The following KIAA0319L variants were observed in gnomAD, a reference collection of about 807,000 sequenced individuals.
The protein encoded by KIAA0319L is dyslexia-associated protein KIAA0319-like protein.
In KIAA0319L, 55 loss-of-function variants were observed where a neutral mutation model predicts 120.1. That is an observed-to-expected ratio of 0.46 (90% CI 0.37 to 0.57). The LOEUF (loss-of-function observed/expected upper bound fraction) is 0.57, where lower values mean the gene tolerates loss of function less well. KIAA0319L is among the 20% of genes least tolerant of loss of function. The pLI is 0.00. For missense variants in KIAA0319L, 1,049 were observed against 1,255.3 expected, an observed-to-expected ratio of 0.84 and a Z score of 2.48; for synonymous variants, 398 against 471.9, an observed-to-expected ratio of 0.84 and a Z score of 2.03.
At chr1:35,464,382 C>G (rs749276541) in intron 7 of KIAA0319L, among the ~76,000 whole-genome samples, 1 of 152,112 alleles carries the variant, frequency 6.6e-6, no homozygotes, top group Admixed American at 6.5e-5. Flanking sequence ...GCTATGTTTT[C>G]GCAGAGACTG....
At chr1:35,484,310 G>A (rs1427414970) in intron 3 of KIAA0319L, among the ~76,000 whole-genome samples, 2 of 152,164 alleles carry the variant, frequency 1.3e-5, no homozygotes, top group African/African-American at 2.4e-5. Flanking sequence ...GTATGGTGGT[G>A]CACACCTGGA....
At chr1:35,523,014 T>TAAAAAAA (rs58518920) in intron 2 of KIAA0319L, among the ~76,000 whole-genome samples, 2 of 62,532 alleles carry the variant, frequency 3.2e-5, no homozygotes, top group Admixed American at 1.9e-4. Flanking sequence ...AAACTCCACA[T>TAAAAAAA]AAAAAAAAAA....
chr1:35,489,614 G>A (rs1282557694), intron 3 of KIAA0319L, among the ~76,000 whole-genome samples: 1 of 151,742 alleles, frequency 6.6e-6, no homozygotes, highest in Non-Finnish European at 1.5e-5. Context: ...TGTATATGGA[G>A]AAACTACAGA....
In KIAA0319L at chr1:35,434,981, C is replaced by CT; in HGVS notation, c.3062dup (p.Lys1023GlnfsTer66). ...CATTCTGACCATGCAGGAGTTTGCC[C>CT]TTCTCTCGGTCTGGCCATGTAAAGA... On this transcript the variant is annotated frameshift_variant, in exon 21 of 21. Transcript: ENST00000325722. LOFTEE classifies it high-confidence loss of function. 6.2e-7 allele frequency: 1 copy of CT among 1,614,212 alleles called. No homozygotes were observed. The highest frequency in any genetic ancestry group is 1.7e-5 in the Admixed American group (1 of 60,032).
intron 2 of KIAA0319L, among the ~76,000 whole-genome samples, chr1:35,541,105 C>A (rs1646770078): frequency 6.6e-6 from 1 of 151,986 alleles, no homozygotes; most frequent in Non-Finnish European, 1.5e-5. Context: ...TCAAGCACAG[C>A]TAACTTTTTA....
intron 3 of KIAA0319L, among the ~76,000 whole-genome samples, chr1:35,479,729 A>T (rs1644065226): frequency 6.6e-6 from 1 of 151,916 alleles, no homozygotes; most frequent in Non-Finnish European, 1.5e-5. Context: ...ATATGGCGAG[A>T]CCCTGTCTCT....
At chr1:35,543,641 A>C (rs1200009500) in intron 2 of KIAA0319L, among the ~76,000 whole-genome samples, 3 of 152,246 alleles carry the variant, frequency 2.0e-5, no homozygotes, top group Non-Finnish European at 4.4e-5. Flanking sequence ...AAACGAGGCA[A>C]GTGAGGGCAA....
intron 4 of KIAA0319L, among the ~76,000 whole-genome samples, chr1:35,477,497 C>T (rs1643942848): frequency 6.6e-6 from 1 of 152,016 alleles, no homozygotes; most frequent in African/African-American, 2.4e-5. Context: ...GAAACCGCAT[C>T]TCTACTAAAA....
intron 3 of KIAA0319L, among the ~76,000 whole-genome samples, chr1:35,500,115 T>C (rs1359937125): frequency 6.6e-6 from 1 of 152,212 alleles, no homozygotes; most frequent in Non-Finnish European, 1.5e-5. Context: ...ACGATGCTGT[T>C]AGAGAGAACA....
intron 3 of KIAA0319L, among the ~76,000 whole-genome samples, chr1:35,485,253 A>G (rs1644344119): frequency 6.6e-6 from 1 of 151,994 alleles, no homozygotes; most frequent in African/African-American, 2.4e-5. Flanking sequence ...AAACTGCAAA[A>G]TCTAATTCTC....
At chr1:35,488,762 T>G (rs1404690897) in intron 3 of KIAA0319L, among the ~76,000 whole-genome samples, 1 of 152,090 alleles carries the variant, frequency 6.6e-6, no homozygotes, top group East Asian at 1.9e-4. Context: ...GCAACCAGTA[T>G]GAAATAATGC....
intron 3 of KIAA0319L, among the ~76,000 whole-genome samples, chr1:35,492,151 C>T (rs573495233): frequency 6.6e-6 from 1 of 152,188 alleles, no homozygotes; most frequent in South Asian, 2.1e-4. Context: ...TTCTATGAGG[C>T]CAGCCAATAA....
intron 3 of KIAA0319L, among the ~76,000 whole-genome samples, chr1:35,501,394 C>T (rs1433667983): frequency 6.6e-6 from 1 of 152,174 alleles, no homozygotes; most frequent in East Asian, 1.9e-4. Flanking sequence ...CCTCTGCAAA[C>T]CATTATTCTT....
chr1:35,493,287 T>C (rs1570807433), intron 3 of KIAA0319L, among the ~76,000 whole-genome samples: 1 of 152,044 alleles, frequency 6.6e-6, no homozygotes, highest in South Asian at 2.1e-4. Context: ...ACATCAAATA[T>C]AATAGCATCA....
chr1:35,550,906 C>A (rs1647176230), intron 2 of KIAA0319L, among the ~76,000 whole-genome samples: 1 of 152,094 alleles, frequency 6.6e-6, no homozygotes, highest in African/African-American at 2.4e-5. Context: ...GATAGTATCC[C>A]ACCATGTGGA....
chr1:35,457,453 C>T (rs1444493245), intron 9 of KIAA0319L, among the ~76,000 whole-genome samples: 4 of 148,414 alleles, frequency 2.7e-5, no homozygotes, highest in East Asian at 2.0e-4. Flanking sequence ...AATTCTCCTA[C>T]GCAACAGTCC....
intron 15 of KIAA0319L, among the ~76,000 whole-genome samples, chr1:35,449,462 T>C (rs1641882652): frequency 6.6e-6 from 1 of 152,226 alleles, no homozygotes; most frequent in African/African-American, 2.4e-5. Context: ...GTTTTCTGCA[T>C]CTGGATGCTG....
chr1:35,443,317 A>T (rs1641365561), intron 17 of KIAA0319L: 1 of 349,296 alleles, frequency 2.9e-6, no homozygotes, highest in African/African-American at 2.1e-5. Flanking sequence ...ACAATTGGAA[A>T]AATAAAATAC....
chr1:35,486,254 C>T (rs915384695), intron 3 of KIAA0319L, among the ~76,000 whole-genome samples: 6 of 151,546 alleles, frequency 4.0e-5, no homozygotes, highest in Admixed American at 1.3e-4. Flanking sequence ...CGTGGTGGTG[C>T]GCACTTGTAA....
Sources: gnomAD v4.1 joint callset for allele counts (sites outside exome capture counted in the v4.1 genomes callset) on GRCh38, gnomAD v4.1.1 for gene constraint, MANE v1.5 for transcripts, NCBI Gene and HGNC (gene_info 2026-07-23, HGNC 2026-07-21) for gene names.